The following FADS6 variants were observed in gnomAD, a reference collection of about 807,000 sequenced individuals.
The protein encoded by FADS6 is fatty acid desaturase domain family, member 6.
A neutral mutation model predicts 31.7 loss-of-function variants in FADS6; 28 were observed. That is an observed-to-expected ratio of 0.88 (90% CI 0.66 to 1.21). The LOEUF is 1.21. Ranked by LOEUF, FADS6 falls within the 50% of genes most tolerant of loss-of-function variation. The pLI, the probability that FADS6 is intolerant of heterozygous loss-of-function variation, is 0.00. For synonymous variants in FADS6, 191 were observed against 213.1 expected, an observed-to-expected ratio of 0.90 and a Z score of 0.90; for missense variants, 494 against 504.2, an observed-to-expected ratio of 0.98 and a Z score of 0.19.
At chr17:74,888,153 C>T (rs1286164139) in intron 2 of FADS6, among the ~76,000 whole-genome samples, 3 of 108,130 alleles carry the variant, frequency 2.8e-5, no homozygotes, top group Non-Finnish European at 5.3e-5. Flanking sequence ...CACACACACA[C>T]ACGCGCGCGC....
intron 2 of FADS6, among the ~76,000 whole-genome samples, chr17:74,886,229 AT>A: frequency 7.2e-6 from 1 of 138,392 alleles, no homozygotes; most frequent in Admixed American, 7.2e-5. Flanking sequence ...ACAGAGCGAG[AT>A]TCCATCTCAA....
Position 74,881,183 on chromosome 17 carries a change from T to A in FADS6, c.665A>T (p.His222Leu), listed in dbSNP as rs1436284102. 18 of 1,612,238 alleles carry A rather than the reference T, an allele frequency of 1.1e-5. No homozygotes were observed. Among genetic ancestry groups the A allele is most frequent in the Non-Finnish European group, 1.4e-5 (17 of 1,179,232 alleles). ...LALISLGLYS[H>L]YWLLLNVSGF... ...TGACACGTTCAGGAGCAGCCAGTAG[T>A]GAGAATAAAGGCCCAGAGAAATCAG... is the stretch of plus-strand genomic sequence containing the variant. Residue 222 changes from histidine (H) to leucine (L), a missense_variant, in exon 4 of 6, where the codon CAC becomes CTC. Coordinates refer to ENST00000612771, the MANE Select transcript of FADS6 (RefSeq NM_178128.6).
At chr17:74,886,171 G>A (rs1333063799) in intron 2 of FADS6, among the ~76,000 whole-genome samples, 1 of 151,104 alleles carries the variant, frequency 6.6e-6, no homozygotes, top group African/African-American at 2.4e-5. Context: ...CCTGGGAGGT[G>A]GAGCTTGCAG....
At position 74,893,429 on chromosome 17, in the gene FADS6, A is replaced by G; in HGVS notation, c.167T>C (p.Val56Ala). The change falls in exon 1 of 6, where the codon GTG becomes GCG. Residue 56 changes from valine (V) to alanine (A), a missense_variant. Val to Ala is a moderately conservative substitution (Grantham distance 64). Transcript: ENST00000612771. ...GCGCTCCCACCAGGAGCTCGTCCTC[A>G]CCACGTCCTGCACCAGCACCTCCAG... Reference protein sequence around the residue: ...RELEVLVQDVVRTSSWWERHG... With the variant: ...RELEVLVQDVARTSSWWERHG... 6.3e-7 allele frequency: 1 copy of G among 1,576,000 alleles called. No individual in the cohort carries two copies. The highest frequency in any genetic ancestry group is 1.2e-5 in the South Asian group (1 of 86,044).
At chr17:74,882,399 T>A (rs941436748) in intron 3 of FADS6, 131 bp downstream of exon 3, 1 of 1,071,358 alleles carries the variant, frequency 9.3e-7, no homozygotes, top group Non-Finnish European at 1.3e-6. Context: ...CTTTCTACCT[T>A]GCCATGCTGT....
At chr17:74,875,640 G>A (rs559045981), downstream of FADS6, among the ~76,000 whole-genome samples, 131 of 152,340 alleles carry the variant, frequency 8.6e-4, no homozygotes, top group Admixed American at 1.6e-3. Flanking sequence ...CATGAGCCAG[G>A]ACTGTGCAAC....
rs924421127 is a variant in FADS6 at position 74,889,916 on chromosome 17, A to T, written c.411+2607T>A. ...AAAAAGACAAAGCAAACAACTGCTA[A>T]CCCTTTCCTTGCAGCTGACCACATT... On this transcript the variant is annotated intron_variant, in intron 2 of 5. Coordinates refer to ENST00000612771, the MANE Select transcript of FADS6 (RefSeq NM_178128.6). Among the ~76,000 whole-genome samples, 72 of 149,846 alleles carry T rather than the reference A, an allele frequency of 4.8e-4. 1 individual carries two copies. The highest frequency in any genetic ancestry group is 1.5e-3 in the African/African-American group (62 of 40,982).
At chr17:74,890,914 AAC>A (rs2038682087) in intron 2 of FADS6, among the ~76,000 whole-genome samples, 1 of 152,056 alleles carries the variant, frequency 6.6e-6, no homozygotes, top group South Asian at 2.1e-4. Flanking sequence ...ACTTGGTAAA[AAC>A]ACAGTGGCCC....
At chr17:74,875,852 G>A (rs562205890), downstream of FADS6, among the ~76,000 whole-genome samples, 1 of 152,308 alleles carries the variant, frequency 6.6e-6, no homozygotes, top group South Asian at 2.1e-4. Context: ...CACTCTATCA[G>A]TCAACCTTCT....
intron 2 of FADS6, among the ~76,000 whole-genome samples, chr17:74,886,274 G>C (rs2038621776): frequency 6.8e-6 from 1 of 146,902 alleles, no homozygotes; most frequent in Non-Finnish European, 1.5e-5. Flanking sequence ...AGACCAGCCT[G>C]GCCAACATGG....
At chr17:74,879,238 T>A in intron 5 of FADS6, 166 bp downstream of exon 5, 1 of 804,050 alleles carries the variant, frequency 1.2e-6, no homozygotes. Context: ...GGTTTCACCA[T>A]GTTGCCCAGG....
In FADS6 at chr17:74,882,561, G is replaced by C; in HGVS notation, c.561C>G (p.Leu187=). ...RYVYMFLAPF[L]LPIATPLVAV... is the part of the protein sequence containing the mutation. The stretch of plus-strand genomic sequence containing the variant: ...CCACCAGTGGAGTGGCGATGGGGAG[G>C]AGGAAAGGAGCAAGGAACATGTAGA... The change falls in exon 3 of 6, where the codon CTC becomes CTG. Residue 187 remains leucine, a synonymous_variant. Transcript: ENST00000612771. 4 of 1,611,944 alleles carry C rather than the reference G, an allele frequency of 2.5e-6. No homozygotes were observed. The highest frequency in any genetic ancestry group is 3.4e-6 in the Non-Finnish European group (4 of 1,179,118).
chr17:74,889,218 C>A (rs2038662912), intron 2 of FADS6, among the ~76,000 whole-genome samples: 1 of 152,158 alleles, frequency 6.6e-6, no homozygotes, highest in South Asian at 2.1e-4. Context: ...GCCAATGATA[C>A]TCAGTTAATG....
intron 5 of FADS6, among the ~76,000 whole-genome samples, chr17:74,878,856 G>GC (rs987883482): frequency 5.3e-5 from 8 of 152,130 alleles, no homozygotes; most frequent in Non-Finnish European, 1.5e-5. Context: ...GAAAGCTGAG[G>GC]CCTAGAGGCA....
At chr17:74,889,460 T>C (rs982554400) in intron 2 of FADS6, among the ~76,000 whole-genome samples, 1 of 151,658 alleles carries the variant, frequency 6.6e-6, no homozygotes, top group Non-Finnish European at 1.5e-5. Context: ...CTCTGCACCC[T>C]GCAGAGGCCC....
At chr17:74,893,322 G>A (rs1371605352) in intron 1 of FADS6, 30 bp downstream of exon 1, 2 of 1,500,896 alleles carry the variant, frequency 1.3e-6, no homozygotes, top group Non-Finnish European at 1.8e-6. Flanking sequence ...CCGCAGCCCG[G>A]CCGGGACGCC....
In FADS6 at chr17:74,881,195, C is replaced by T. The variant is rs2038564407; in HGVS notation, c.653G>A (p.Gly218Asp). ...GAGCAGCCAGTAGTGAGAATAAAGG[C>T]CCAGAGAAATCAGGGCCAGCGTCCG... ...ALRTLALISL[G>D]LYSHYWLLLN... is the part of the protein sequence containing the mutation. Residue 218 changes from glycine to aspartate, a missense_variant, in exon 4 of 6, where the codon GGC (glycine) becomes GAC (aspartate). Around this residue, in one of 2 missense-constraint regions of FADS6, gnomAD observed 454 missense variants for 438.5 expected, o/e 1.04. Transcript: ENST00000612771. 6.2e-7 allele frequency: 1 copy of T among 1,611,756 alleles called. No homozygotes were observed. Among genetic ancestry groups the T allele is most frequent in the South Asian group, 1.1e-5 (1 of 90,726 alleles).
chr17:74,881,969 T>C (rs11077766), intron 3 of FADS6, among the ~76,000 whole-genome samples: 78,119 of 151,270 alleles, frequency 0.52, 23,056 homozygotes, highest in Non-Finnish European at 0.66. Context: ...CAGAGGCTCC[T>C]CTGTAGCCCA....
chr17:74,891,681 C>G (rs1483794544), intron 2 of FADS6, among the ~76,000 whole-genome samples: 1 of 152,126 alleles, frequency 6.6e-6, no homozygotes, highest in Non-Finnish European at 1.5e-5. Flanking sequence ...AATGCTTCAT[C>G]CACTCAGCTG....
Sources: gnomAD v4.1 joint callset for allele counts (sites outside exome capture counted in the v4.1 genomes callset) on GRCh38, gnomAD v4.1.1 for gene constraint, gnomAD v4.1.1 regional missense constraint, MANE v1.5 for transcripts, NCBI Gene and HGNC (gene_info 2026-07-23, HGNC 2026-07-21) for gene names.